Variants in LAMB1 observed in about 807,000 individuals in gnomAD.
The protein encoded by LAMB1 is laminin subunit beta 1, also known as laminin subunit beta-1.
In LAMB1, 121 loss-of-function variants were observed where a neutral mutation model predicts 222.3. The observed-to-expected ratio is 0.54, with a 90% CI of 0.47 to 0.63. The LOEUF (loss-of-function observed/expected upper bound fraction) is 0.63, where lower values mean the gene tolerates loss of function less well. Ranked by LOEUF, LAMB1 falls within the 30% of genes least tolerant of loss-of-function variation. The pLI is 0.00. For missense variants in LAMB1, 2,172 were observed against 2,240.8 expected, an observed-to-expected ratio of 0.97 and a Z score of 0.62; for synonymous variants, 794 against 807.2, an observed-to-expected ratio of 0.98 and a Z score of 0.28.
intron 20 of LAMB1, among the ~76,000 whole-genome samples, chr7:107,956,196 C>G (rs778286161): frequency 1.3e-5 from 2 of 151,890 alleles, no homozygotes; most frequent in African/African-American, 2.4e-5. Flanking sequence ...CATACCCAGC[C>G]TAATTTTTAT....
Position 107,979,547 on chromosome 7 carries a change from A to C in LAMB1, c.879+1062T>G, listed in dbSNP as rs111260842. ...ACCAATAGTTGGTCTAGGTGATCTC[A>C]TAAGTCCTATCTGGCCTTAAAATCC... On this transcript the variant is annotated intron_variant, in intron 8 of 33. Coordinates refer to ENST00000222399, the MANE Select transcript of LAMB1 (RefSeq NM_002291.3). 1.4e-3 allele frequency among the ~76,000 whole-genome samples: 209 copies of C among 152,324 alleles called. 1 individual carries two copies. Among genetic ancestry groups the C allele is most frequent in the Non-Finnish European group, 2.6e-3 (174 of 68,022 alleles).
rs780935122 is a variant in LAMB1, at chr7:107,975,817, G to A, written c.1061C>T (p.Thr354Met). Residue 354 changes from threonine (T) to methionine (M), a missense_variant, in exon 10 of 34, where the codon ACG becomes ATG. Coordinates refer to ENST00000222399, the MANE Select transcript of LAMB1 (RefSeq NM_002291.3). Reference sequence around the variant, plus strand: ...ACACACGCCTCCGCTGACGTTCCCCGTGGCCAGGTAAACAGCCATGTCAAA... The same window carrying A: ...ACACACGCCTCCGCTGACGTTCCCCATGGCCAGGTAAACAGCCATGTCAAA... ...CHFDMAVYLATGNVSGGVCDD... is the reference protein window; with the variant it reads ...CHFDMAVYLAMGNVSGGVCDD... 11 of 1,613,982 alleles carry A rather than the reference G, an allele frequency of 6.8e-6. No individual in the cohort carries two copies. Among genetic ancestry groups the A allele is most frequent in the South Asian group, 1.1e-5 (1 of 91,064 alleles).
intron 5 of LAMB1, among the ~76,000 whole-genome samples, chr7:107,990,040 T>C (rs566951725): frequency 1.2e-4 from 18 of 152,004 alleles, no homozygotes; most frequent in Non-Finnish European, 2.5e-4. Context: ...TTTTTTTGTT[T>C]GTTTGTTTTG....
Position 108,001,731 on chromosome 7 carries a change from G to C in LAMB1, c.40C>G (p.Leu14Val). 1 of 1,612,706 alleles carries C rather than the reference G, an allele frequency of 6.2e-7. No homozygotes were observed. Among genetic ancestry groups the C allele is most frequent in the African/African-American group, 1.3e-5 (1 of 75,030 alleles). The stretch of plus-strand genomic sequence containing the variant: ...TGAGCGCGCACTCGGGCTCTGCACA[G>C]GGCTGCGGGAAGGACAGGCAACAGA... ...LQLLAFSFLA[L>V]CRARVRAQEP... Residue 14 changes from leucine (L) to valine (V), a missense_variant and splice_region_variant, in exon 3 of 34, where the codon CTG (leucine) becomes GTG (valine). By Grantham distance (32) the Leu-to-Val change is conservative. Coordinates refer to ENST00000222399, the MANE Select transcript of LAMB1 (RefSeq NM_002291.3).
intron 12 of LAMB1, among the ~76,000 whole-genome samples, chr7:107,974,203 GT>G (rs2033807015): frequency 6.6e-6 from 1 of 151,972 alleles, no homozygotes; most frequent in South Asian, 2.1e-4. Context: ...GTATAACAAT[GT>G]TATTAAAAAT....
intron 3 of LAMB1, 59 bp from the exon 4 acceptor site, chr7:107,998,551 T>A: frequency 6.8e-7 from 1 of 1,477,380 alleles, no homozygotes; most frequent in South Asian, 1.3e-5. Flanking sequence ...ACATTTTTAA[T>A]TAAAAAAACC....
intron 12 of LAMB1, among the ~76,000 whole-genome samples, chr7:107,974,354 TGTG>T (rs566458844): frequency 4.5e-4 from 66 of 146,884 alleles, no homozygotes; most frequent in African/African-American, 1.7e-3. Flanking sequence ...ATATCCTGTG[TGTG>T]TTTTTTTTTT....
At chr7:107,934,716 ACT>A (rs2032797220) in intron 27 of LAMB1, among the ~76,000 whole-genome samples, 1 of 152,078 alleles carries the variant, frequency 6.6e-6, no homozygotes, top group African/African-American at 2.4e-5. Flanking sequence ...TTCTAGAATG[ACT>A]CTGAATTCCT....
chr7:107,924,913 A>T (rs1449502317), intron 32 of LAMB1, among the ~76,000 whole-genome samples: 2 of 152,210 alleles, frequency 1.3e-5, no homozygotes, highest in Non-Finnish European at 2.9e-5. Context: ...AATGCAAATG[A>T]TTCTTTTTAG....
At chr7:107,983,627 A>C (rs1210586994) in intron 7 of LAMB1, among the ~76,000 whole-genome samples, 1 of 133,988 alleles carries the variant, frequency 7.5e-6, no homozygotes, top group Non-Finnish European at 1.5e-5. Context: ...ATCTCAGCTC[A>C]CTGCAACCTC....
chr7:107,933,612 A>AAC (rs1222795938), intron 27 of LAMB1, among the ~76,000 whole-genome samples: 1 of 152,158 alleles, frequency 6.6e-6, no homozygotes, highest in African/African-American at 2.4e-5. Context: ...GGAAAAAAAA[A>AAC]AACACAGTAT....
intron 2 of LAMB1, 176 bp from the exon 3 acceptor site, chr7:108,001,909 G>C: frequency 6.8e-7 from 1 of 1,463,600 alleles, no homozygotes; most frequent in Non-Finnish European, 9.1e-7. Context: ...TGGGAAGGCA[G>C]GGACTCCGAA....
intron 4 of LAMB1, among the ~76,000 whole-genome samples, chr7:107,996,096 A>G (rs1027742983): frequency 2.0e-5 from 3 of 148,582 alleles, no homozygotes; most frequent in African/African-American, 7.8e-5. Context: ...TTTTTGAGTG[A>G]AATGTTAGGC....
chr7:107,974,946 C>A, intron 12 of LAMB1, 40 bp downstream of exon 12: 1 of 1,173,862 alleles, frequency 8.5e-7, no homozygotes, highest in Non-Finnish European at 1.3e-6. Context: ...ACATGTCATC[C>A]TCACCAACCA....
intron 24 of LAMB1, 147 bp from the exon 25 acceptor site, chr7:107,940,505 A>T: frequency 1.3e-6 from 1 of 766,854 alleles, no homozygotes; most frequent in South Asian, 1.8e-5. Context: ...TAGAGACTGT[A>T]GCAGCTTCCT....
intron 21 of LAMB1, among the ~76,000 whole-genome samples, chr7:107,954,118 AATGTAAAGCATAGC>A (rs2033323244): frequency 6.6e-6 from 1 of 152,072 alleles, no homozygotes; most frequent in African/African-American, 2.4e-5. Flanking sequence ...GCAAACTAAC[AATGTAAAGCATAGC>A]TTCATGTAGA....
At chr7:107,931,793 CATAA>C in intron 28 of LAMB1, 1 of 476,036 alleles carries the variant, frequency 2.1e-6, no homozygotes, top group East Asian at 4.0e-5. Context: ...CAGGTGCCCA[CATAA>C]ATACTTAAAA....
At chr7:107,946,985 C>CT (rs2033130261) in intron 24 of LAMB1, among the ~76,000 whole-genome samples, 1 of 152,140 alleles carries the variant, frequency 6.6e-6, no homozygotes, top group South Asian at 2.1e-4. Flanking sequence ...GAAACTTTAC[C>CT]CTTCCTTTTT....
At chr7:107,941,006 G>A (rs192148645) in intron 24 of LAMB1, among the ~76,000 whole-genome samples, 18 of 152,342 alleles carry the variant, frequency 1.2e-4, no homozygotes, top group African/African-American at 2.2e-4. Context: ...CCAGTTTAAA[G>A]GCTTTCAACT....
Sources: allele counts gnomAD v4.1 joint callset (sites outside exome capture counted in the v4.1 genomes callset), GRCh38; gene constraint gnomAD v4.1.1; transcripts MANE v1.5; gene names NCBI Gene and HGNC (gene_info 2026-07-23, HGNC 2026-07-21).